Variants in CALN1 observed in about 807,000 individuals in gnomAD.
The protein encoded by CALN1 is calneuron 1.
In CALN1, 17 loss-of-function variants were observed where a neutral mutation model predicts 30.6. The ratio of observed to expected loss-of-function variants is 0.56; its 90% confidence interval spans 0.38 to 0.83. CALN1 has a LOEUF of 0.83. Among genes scored for constraint, CALN1 ranks in the 40% least tolerant of loss-of-function variants. The pLI, the probability that CALN1 is intolerant of heterozygous loss-of-function variation, is 0.00. For synonymous variants in CALN1, 156 were observed against 131.4 expected (o/e 1.19, Z -1.28); for missense variants, 291 against 354.9 (o/e 0.82, Z 1.45).
intron 5 of CALN1, among the ~76,000 whole-genome samples, chr7:71,938,524 C>T (rs550478632): frequency 3.3e-5 from 5 of 152,066 alleles, no homozygotes; most frequent in African/African-American, 9.6e-5. Context: ...GGGCCGGGCA[C>T]GGTGGCTCAT....
At chr7:72,257,485 A>G (rs1013709405) in intron 3 of CALN1, among the ~76,000 whole-genome samples, 8 of 152,254 alleles carry the variant, frequency 5.3e-5, no homozygotes, top group Non-Finnish European at 8.8e-5. Flanking sequence ...GGTTGTGGTG[A>G]AAAGGGAACA....
intron 2 of CALN1, among the ~76,000 whole-genome samples, chr7:72,377,227 G>A (rs1237383462): frequency 1.3e-5 from 2 of 152,180 alleles, no homozygotes; most frequent in East Asian, 1.9e-4. Context: ...AAGGCAGTTA[G>A]AATTTTGACA....
At chr7:71,864,956 T>G (rs1412199835) in intron 5 of CALN1, among the ~76,000 whole-genome samples, 2 of 151,436 alleles carry the variant, frequency 1.3e-5, no homozygotes, top group Non-Finnish European at 2.9e-5. Context: ...TGAGCCAAGA[T>G]CACGCCACTG....
intron 5 of CALN1, among the ~76,000 whole-genome samples, chr7:71,936,630 T>A (rs1391336700): frequency 3.9e-5 from 6 of 152,168 alleles, no homozygotes; most frequent in African/African-American, 1.4e-4. Context: ...TCTGCTGAAC[T>A]GCCCTTGTTT....
intron 3 of CALN1, among the ~76,000 whole-genome samples, chr7:72,116,444 G>C (rs931448048): frequency 6.6e-6 from 1 of 152,204 alleles, no homozygotes; most frequent in Non-Finnish European, 1.5e-5. Context: ...CTCTGAGGAA[G>C]TATACAGGGA....
At chr7:72,281,399 T>A (rs1432698062) in intron 2 of CALN1, among the ~76,000 whole-genome samples, 1 of 152,198 alleles carries the variant, frequency 6.6e-6, no homozygotes, top group African/African-American at 2.4e-5. Flanking sequence ...AAATGAGATG[T>A]CAACCCTGGC....
At chr7:72,179,606 ATGTG>A (rs1789613705) in intron 3 of CALN1, among the ~76,000 whole-genome samples, 1 of 152,200 alleles carries the variant, frequency 6.6e-6, no homozygotes. Context: ...GTACATATAT[ATGTG>A]TAACTTCATA....
chr7:72,061,490 T>C (rs1451587650), intron 4 of CALN1, among the ~76,000 whole-genome samples: 2 of 149,938 alleles, frequency 1.3e-5, no homozygotes, highest in Non-Finnish European at 1.5e-5. Flanking sequence ...ATAAATGATA[T>C]AAACAAGACT....
intron 3 of CALN1, among the ~76,000 whole-genome samples, chr7:72,238,218 G>A (rs1046977140): frequency 1.3e-5 from 2 of 152,082 alleles, no homozygotes; most frequent in Admixed American, 6.6e-5. Flanking sequence ...AGTTACAAGA[G>A]CACATCAAAA....
chr7:72,055,698 T>G (rs1803208508), intron 4 of CALN1, among the ~76,000 whole-genome samples: 1 of 152,128 alleles, frequency 6.6e-6, no homozygotes. Flanking sequence ...ATGAGTAATT[T>G]TATTGAAAAA....
At chr7:72,032,099 C>T (rs1801489125) in intron 4 of CALN1, among the ~76,000 whole-genome samples, 1 of 130,318 alleles carries the variant, frequency 7.7e-6, no homozygotes, top group African/African-American at 3.0e-5. Flanking sequence ...CACTCTGTCA[C>T]CCAGGCTGGA....
intron 3 of CALN1, among the ~76,000 whole-genome samples, chr7:72,265,723 C>T (rs942544249): frequency 6.6e-6 from 1 of 152,104 alleles, no homozygotes; most frequent in South Asian, 2.1e-4. Context: ...GCAGCAGGTT[C>T]TTTTGCATAA....
rs1336189034 is a variant in CALN1, at chr7:72,412,217, AAGACGC to A, written c.-239_-234del. The A allele has an allele frequency of 6.6e-6, 1 of 152,398 alleles. No individual in the cohort carries two copies. The highest frequency in any genetic ancestry group is 2.4e-5 in the African/African-American group (1 of 41,432). 9.4% of individuals were successfully genotyped at this position (152,398 alleles called of 1,614,324 possible). ...TGCGGTCTTGCTGACTTCAAGAACGAAGACGCAGACCGCGGCCGTGAGCTTTAAAGG... is the reference window on the plus strand; with the variant it reads ...TGCGGTCTTGCTGACTTCAAGAACGAAGACCGCGGCCGTGAGCTTTAAAGG... On this transcript the variant is annotated 5_prime_UTR_variant, in exon 1 of 7. Transcript: ENST00000395275.
intron 3 of CALN1, among the ~76,000 whole-genome samples, chr7:72,273,773 A>C (rs1797161752): frequency 6.6e-6 from 1 of 152,012 alleles, no homozygotes; most frequent in African/African-American, 2.4e-5. Context: ...AGCCTCCCAA[A>C]GTGCTGGGAT....
chr7:71,967,569 T>C (rs1219430579), intron 5 of CALN1, among the ~76,000 whole-genome samples: 1 of 145,934 alleles, frequency 6.9e-6, no homozygotes, highest in Non-Finnish European at 1.5e-5. Context: ...AAGGCTGCAG[T>C]GACCCGTGAT....
At chr7:72,290,357 A>T (rs1050438285) in intron 2 of CALN1, among the ~76,000 whole-genome samples, 15 of 152,136 alleles carry the variant, frequency 9.9e-5, no homozygotes, top group African/African-American at 3.6e-4. Context: ...GGTGGCAGCA[A>T]CAGCTTCTGA....
chr7:71,851,583 C>T (rs1037482353), intron 5 of CALN1, among the ~76,000 whole-genome samples: 1 of 151,684 alleles, frequency 6.6e-6, no homozygotes, highest in Admixed American at 6.6e-5. Flanking sequence ...TATATATATT[C>T]ACTAAAAGCA....
chr7:71,791,940 G>A (rs1343438012), intron 6 of CALN1, among the ~76,000 whole-genome samples: 1 of 152,128 alleles, frequency 6.6e-6, no homozygotes, highest in African/African-American at 2.4e-5. Context: ...GAACCCGGGA[G>A]GCAGAGCTTG....
chr7:71,851,830 CTG>C (rs1790666638), intron 5 of CALN1, among the ~76,000 whole-genome samples: 1 of 152,154 alleles, frequency 6.6e-6, no homozygotes, highest in African/African-American at 2.4e-5. Flanking sequence ...ACAAATGTGT[CTG>C]TGAACTGACA....
Sources: allele counts gnomAD v4.1 joint callset (sites outside exome capture counted in the v4.1 genomes callset), GRCh38; gene constraint gnomAD v4.1.1; transcripts MANE v1.5; gene names NCBI Gene and HGNC (gene_info 2026-07-23, HGNC 2026-07-21).